Variants in TRIM51G observed in about 807,000 individuals in gnomAD.
TRIM51G encodes tripartite motif-containing protein 51G.
At chr11:48,977,698 A>G in the TRIM51G span, among the ~76,000 whole-genome samples, 1 of 152,174 alleles carries the variant, frequency 6.6e-6, no homozygotes, top group Non-Finnish European at 1.5e-5. Context: ...AATATAAACT[A>G]GAAATCATCA....
chr11:48,980,242 A>T, the TRIM51G span, among the ~76,000 whole-genome samples: 2 of 152,096 alleles, frequency 1.3e-5, no homozygotes, highest in Non-Finnish European at 2.9e-5. Context: ...ATTAGATATC[A>T]TACCCTCAAT....
At chr11:48,976,406 GC>G in the TRIM51G span, among the ~76,000 whole-genome samples, 1 of 152,028 alleles carries the variant, frequency 6.6e-6, no homozygotes, top group African/African-American at 2.4e-5. Context: ...CTCAAGCACT[GC>G]TCTAGATAAC....
the TRIM51G span, among the ~76,000 whole-genome samples, chr11:48,982,498 T>C: frequency 2.0e-5 from 3 of 152,130 alleles, no homozygotes; most frequent in Admixed American, 2.0e-4. Flanking sequence ...TGTAAGTTGG[T>C]GAGCTGAGTG....
the TRIM51G span, among the ~76,000 whole-genome samples, chr11:48,982,983 A>ATATAGT: frequency 9.2e-6 from 1 of 108,898 alleles, no homozygotes; most frequent in African/African-American, 3.3e-5. Flanking sequence ...ATATATATAT[A>ATATAGT]TATAGTTATG....
At chr11:48,975,956 A>T in the TRIM51G span, 1 of 719,520 alleles carries the variant, frequency 1.4e-6, no homozygotes, top group Non-Finnish European at 2.6e-6. Context: ...CCATGCAGGA[A>T]GATATGACTA....
the TRIM51G span, chr11:48,981,611 C>G: frequency 1.9e-6 from 3 of 1,600,822 alleles, no homozygotes; most frequent in Non-Finnish European, 2.6e-6. Context: ...TGCCCACAGT[C>G]TATGGTGACT....
the TRIM51G span, chr11:48,975,667 A>G: frequency 2.1e-6 from 3 of 1,449,806 alleles, no homozygotes; most frequent in African/African-American, 4.2e-5. Context: ...TTGCATTACA[A>G]GTGGGGAGGT....
the TRIM51G span, chr11:48,975,690 G>T: frequency 2.7e-6 from 4 of 1,506,824 alleles, no homozygotes; most frequent in Admixed American, 6.7e-5. Context: ...TAAAGAGACT[G>T]CAGTGAGTGT....
chr11:48,981,764 C>A, the TRIM51G span: 3 of 1,468,776 alleles, frequency 2.0e-6, no homozygotes, highest in African/African-American at 4.2e-5. Context: ...GAACATATCA[C>A]CATATGTGAT....
the TRIM51G span, among the ~76,000 whole-genome samples, chr11:48,977,496 T>C: frequency 6.6e-6 from 1 of 152,144 alleles, no homozygotes; most frequent in African/African-American, 2.4e-5. Flanking sequence ...CAGAAATTCC[T>C]GAAATTACTG....
the TRIM51G span, chr11:48,980,811 A>G: frequency 1.0e-5 from 4 of 400,628 alleles, no homozygotes; most frequent in South Asian, 7.6e-5. Flanking sequence ...GTTGATTTCC[A>G]GAAACATTAT....
At chr11:48,982,752 G>A in the TRIM51G span, among the ~76,000 whole-genome samples, 1 of 148,546 alleles carries the variant, frequency 6.7e-6, no homozygotes, top group Admixed American at 6.8e-5. Context: ...CATGTGTAGA[G>A]TGAGGACAGA....
At chr11:48,983,425 T>C in the TRIM51G span, among the ~76,000 whole-genome samples, 1 of 152,082 alleles carries the variant, frequency 6.6e-6, no homozygotes, top group Non-Finnish European at 1.5e-5. Context: ...ATTATCCTTT[T>C]TTACTTAACT....
chr11:48,979,165 C>T, the TRIM51G span: 32 of 658,676 alleles, frequency 4.9e-5, no homozygotes, highest in Non-Finnish European at 8.9e-5. Flanking sequence ...TTCACTGATT[C>T]CTCTTAGCAT....
the TRIM51G span, among the ~76,000 whole-genome samples, chr11:48,982,880 T>C: frequency 1.6e-5 from 2 of 127,814 alleles, no homozygotes; most frequent in Non-Finnish European, 3.3e-5. Flanking sequence ...GTATAGCATA[T>C]TGTTCCTAGG....
chr11:48,978,534 C>T, the TRIM51G span, among the ~76,000 whole-genome samples: 1 of 152,112 alleles, frequency 6.6e-6, no homozygotes, highest in African/African-American at 2.4e-5. Flanking sequence ...TGCCATGTCT[C>T]CAAATTAGCC....
the TRIM51G span, among the ~76,000 whole-genome samples, chr11:48,980,673 G>T: frequency 6.6e-6 from 1 of 152,222 alleles, no homozygotes; most frequent in African/African-American, 2.4e-5. Context: ...TATTGCTATA[G>T]GTTTGTATGG....
the TRIM51G span, chr11:48,978,011 G>T: frequency 4.4e-6 from 2 of 450,018 alleles, no homozygotes; most frequent in South Asian, 1.6e-5. Context: ...TGGGGTGGGG[G>T]ATGGAGAAAG....
At chr11:48,977,067 C>G in the TRIM51G span, 1 of 903,022 alleles carries the variant, frequency 1.1e-6, no homozygotes, top group African/African-American at 1.6e-5. Context: ...GGAATTTTGC[C>G]AATGGGCTGA....
Sources: gnomAD v4.1 joint callset for allele counts (sites outside exome capture counted in the v4.1 genomes callset) on GRCh38, gnomAD v4.1.1 for gene constraint, MANE v1.5 for transcripts, NCBI Gene and HGNC (gene_info 2026-07-23, HGNC 2026-07-21) for gene names.